The following MOCS1 variants were observed in gnomAD, a reference collection of about 807,000 sequenced individuals.
The protein encoded by MOCS1 is molybdenum cofactor biosynthesis protein 1.
In MOCS1, 39 loss-of-function variants were observed where a neutral mutation model predicts 57.6. The observed-to-expected ratio is 0.68, with a 90% CI of 0.52 to 0.88. MOCS1 has a LOEUF of 0.88. MOCS1 is among the 40% of genes least tolerant of loss of function. The pLI is 0.00. For missense variants in MOCS1, 795 were observed against 831.1 expected (o/e 0.96, Z 0.53); for synonymous variants, 334 against 335.7 (o/e 1.00, Z 0.05).
intron 6 of MOCS1, 69 bp downstream of exon 6, chr6:39,913,248 T>G: frequency 1.4e-5 from 19 of 1,363,550 alleles, no homozygotes; most frequent in Non-Finnish European, 1.9e-5. Flanking sequence ...ACCCAGTGGG[T>G]GAGCCACACT....
At chr6:39,925,947 A>C in intron 2 of MOCS1, 102 bp from the exon 3 acceptor site, 5 of 1,312,398 alleles carry the variant, frequency 3.8e-6, no homozygotes, top group Non-Finnish European at 5.2e-6. Context: ...AAGGCTTCTC[A>C]AACCCATCTG....
At position 39,906,973 on chromosome 6, in the gene MOCS1, G is replaced by A. The variant is rs2149396549; in HGVS notation, c.1295C>T (p.Thr432Ile). ...TLWKGCRVPQ[T>I]PPLAQQRLGS... ...CAGCCGCTGCTGGGCTAGAGGAGGG[G>A]TCTGGGGGACCCTGCATCCTTTCCA... The change falls in exon 11 of 11, where the codon ACC becomes ATC. Residue 432 changes from threonine (T) to isoleucine (I), a missense_variant. Thr to Ile is a moderately conservative substitution (Grantham distance 89). This residue lies in a region of MOCS1 where 374 missense variants were observed against 422.6 expected (regional missense o/e 0.89). Coordinates refer to ENST00000340692, the MANE Select transcript of MOCS1 (RefSeq NM_001358530.2). The A allele has an allele frequency of 1.2e-6, 2 of 1,614,128 alleles. No homozygotes were observed. Among genetic ancestry groups the A allele is most frequent in the East Asian group, 4.5e-5 (2 of 44,858 alleles).
At chr6:39,931,577 C>T (rs1049351635) in intron 1 of MOCS1, among the ~76,000 whole-genome samples, 1 of 152,108 alleles carries the variant, frequency 6.6e-6, no homozygotes, top group Non-Finnish European at 1.5e-5. Flanking sequence ...AGGACAGTCA[C>T]ATTTCGCTGA....
intron 2 of MOCS1, among the ~76,000 whole-genome samples, chr6:39,926,700 G>A (rs1330299408): frequency 1.4e-5 from 1 of 71,622 alleles, no homozygotes; most frequent in Non-Finnish European, 2.7e-5. Context: ...CTTATCGTGA[G>A]GTATAGTGAA....
chr6:39,913,136 C>A, intron 6 of MOCS1, 132 bp from the exon 7 acceptor site: 2 of 918,124 alleles, frequency 2.2e-6, no homozygotes, highest in South Asian at 1.3e-5. Context: ...GGGACGGGGG[C>A]TCTGCCTAAA....
intron 1 of MOCS1, among the ~76,000 whole-genome samples, chr6:39,929,834 C>T (rs1041872244): frequency 1.0e-4 from 15 of 148,994 alleles, no homozygotes; most frequent in African/African-American, 2.5e-4. Flanking sequence ...CCCAGCTACT[C>T]GGGAGGCTGA....
At chr6:39,927,130 G>A (rs1190419250) in intron 2 of MOCS1, 199 bp downstream of exon 2, 3 of 599,686 alleles carry the variant, frequency 5.0e-6, no homozygotes, top group Admixed American at 6.0e-5. Flanking sequence ...GTAGGACACA[G>A]CTTCTATAAT....
chr6:39,920,748 G>A (rs1395410527), intron 3 of MOCS1, among the ~76,000 whole-genome samples: 1 of 152,156 alleles, frequency 6.6e-6, no homozygotes, highest in African/African-American at 2.4e-5. Flanking sequence ...GGAGGCCAGG[G>A]CAGGAGGATC....
intron 1 of MOCS1, among the ~76,000 whole-genome samples, chr6:39,932,602 C>T (rs190908304): frequency 1.1e-4 from 16 of 152,316 alleles, no homozygotes; most frequent in Admixed American, 1.0e-3. Context: ...GTGCACCCAG[C>T]CCTCAGGAAC....
rs1349578952 is a variant in MOCS1 at position 39,906,574 on chromosome 6, T to C, written c.1694A>G (p.Gln565Arg). ...ATGGCGTGTGCTGTCCAGCTCCAGC[T>C]GCACCTGGATGTGGCTCAGGGCCAC... ...HHVALSHIQV[Q>R]LELDSTRHAV... is the part of the protein sequence containing the mutation. Residue 565 changes from glutamine (Q) to arginine (R), a missense_variant, in exon 11 of 11, where the codon CAG (glutamine) becomes CGG (arginine). Gln to Arg is a conservative substitution (Grantham distance 43). Around this residue, in one of 3 missense-constraint regions of MOCS1, gnomAD observed 374 missense variants for 422.6 expected, o/e 0.89. Transcript: ENST00000340692. The C allele has an allele frequency of 1.2e-6, 2 of 1,613,732 alleles. No homozygotes were observed. The highest frequency in any genetic ancestry group is 1.7e-6 in the Non-Finnish European group (2 of 1,180,042).
intron 3 of MOCS1, among the ~76,000 whole-genome samples, chr6:39,923,527 G>A (rs900078284): frequency 1.3e-5 from 2 of 152,270 alleles, no homozygotes; most frequent in Admixed American, 6.5e-5. Flanking sequence ...CCTGGCACAA[G>A]GCGGCCCATG....
In MOCS1 at chr6:39,905,443, A is replaced by G. The variant is rs1422090370; in HGVS notation, c.*914T>C. ...CTGTGTCTTGGGATAGGATTGATTGATTGATTGATAGGTGCAGCCTTCCCT... is the reference window on the plus strand; with the variant it reads ...CTGTGTCTTGGGATAGGATTGATTGGTTGATTGATAGGTGCAGCCTTCCCT... On this transcript the variant is annotated 3_prime_UTR_variant, in exon 11 of 11. Transcript: ENST00000340692. 2 of 470,816 alleles carry G rather than the reference A, an allele frequency of 4.2e-6. No homozygotes were observed. The highest frequency in any genetic ancestry group is 4.0e-5 in the African/African-American group (2 of 50,124). 29.2% of individuals were successfully genotyped at this position (470,816 alleles called of 1,614,324 possible).
At chr6:39,915,982 C>G (rs1767633403) in intron 4 of MOCS1, 86 bp downstream of exon 4, 3 of 1,452,584 alleles carry the variant, frequency 2.1e-6, no homozygotes, top group Non-Finnish European at 2.8e-6. Context: ...AGGAAGTGAC[C>G]AGGCCCCTGG....
Position 39,913,298 on chromosome 6 carries a change from C to T in MOCS1, c.757+19G>A, listed in dbSNP as rs1327499755. On this transcript the variant is annotated intron_variant, in intron 6 of 10. Transcript: ENST00000340692. ...CCCAACCCCTTCTTCCCTCCCTCAA[C>T]CCATCCCTGGTCACTGACCATCAAA... 6.2e-7 allele frequency: 1 copy of T among 1,607,064 alleles called. No homozygotes were observed. Among genetic ancestry groups the T allele is most frequent in the East Asian group, 2.2e-5 (1 of 44,844 alleles).
chr6:39,925,497 C>T (rs1444380563), intron 3 of MOCS1, among the ~76,000 whole-genome samples, 181 bp downstream of exon 3: 1 of 152,176 alleles, frequency 6.6e-6, no homozygotes, highest in African/African-American at 2.4e-5. Flanking sequence ...GTTATCCAAC[C>T]TAAGCCTCAT....
At chr6:39,923,220 T>C (rs952783911) in intron 3 of MOCS1, among the ~76,000 whole-genome samples, 2 of 152,150 alleles carry the variant, frequency 1.3e-5, no homozygotes, top group Admixed American at 1.3e-4. Flanking sequence ...CCCTTGCCCA[T>C]CCCATTCCAT....
At position 39,906,180 on chromosome 6, in the gene MOCS1, C is replaced by T. The variant is rs752544599; in HGVS notation, c.*177G>A. On this transcript the variant is annotated 3_prime_UTR_variant, in exon 11 of 11. Coordinates refer to ENST00000340692, the MANE Select transcript of MOCS1 (RefSeq NM_001358530.2). The stretch of plus-strand genomic sequence containing the variant: ...CCTATAGAAAGGAAGCCCCATTGGT[C>T]ATTAGAGATCATCTAGCAGCAGGCC... The T allele has an allele frequency of 1.1e-5, 9 of 821,302 alleles. No homozygotes were observed. The East Asian group carries it at 2.0e-4, about 19-fold the overall frequency. 50.9% of individuals were successfully genotyped at this position (821,302 alleles called of 1,614,324 possible).
At chr6:39,910,883 T>C (rs1767285982) in intron 8 of MOCS1, among the ~76,000 whole-genome samples, 1 of 142,114 alleles carries the variant, frequency 7.0e-6, no homozygotes, top group South Asian at 2.5e-4. Context: ...GAAAGAACAA[T>C]CTTCAGGCAT....
In MOCS1 at chr6:39,913,343, C is replaced by T. The variant is rs761671148; in HGVS notation, c.731G>A (p.Arg244His). 11 of 1,614,028 alleles carry T rather than the reference C, an allele frequency of 6.8e-6. No individual in the cohort carries two copies. The Admixed American group carries it at 1.2e-4, about 17-fold the overall frequency. Residue 244 changes from arginine to histidine, a missense_variant, in exon 6 of 11, where the codon CGC (arginine) becomes CAC (histidine). Arg to His is a conservative substitution (Grantham distance 29, BLOSUM62 0). This residue lies in a region of MOCS1 where 416 missense variants were observed against 392.4 expected (regional missense o/e 1.06). Coordinates refer to ENST00000340692, the MANE Select transcript of MOCS1 (RefSeq NM_001358530.2). Reference protein sequence around the residue: ...ALTEGLPLDVRFIEYMPFDGN... With the variant: ...ALTEGLPLDVHFIEYMPFDGN... Reference sequence around the variant, plus strand: ...ATCAAAGGGCATATACTCTATGAAGCGCACATCCAGGGGGAGGCCCTCAGT... The same window carrying T: ...ATCAAAGGGCATATACTCTATGAAGTGCACATCCAGGGGGAGGCCCTCAGT...
Sources: gnomAD v4.1 joint callset for allele counts (sites outside exome capture counted in the v4.1 genomes callset) on GRCh38, gnomAD v4.1.1 for gene constraint, gnomAD v4.1.1 regional missense constraint, MANE v1.5 for transcripts, NCBI Gene and HGNC (gene_info 2026-07-23, HGNC 2026-07-21) for gene names.